NR2F1-AS1: variants seen among roughly 807,000 people sequenced by gnomAD.
NR2F1-AS1 encodes NR2F1 regulatory antisense RNA 1.
chr5:93,430,840 T>C (rs919276288), intron 4 of NR2F1-AS1, among the ~76,000 whole-genome samples: 2 of 131,928 alleles, frequency 1.5e-5, no homozygotes, highest in African/African-American at 6.0e-5. Flanking sequence ...CCTTTTTGTG[T>C]TGTCACTGTC....
intron 4 of NR2F1-AS1, among the ~76,000 whole-genome samples, chr5:93,539,146 T>C (rs1423776391): frequency 6.6e-6 from 1 of 152,056 alleles, no homozygotes; most frequent in African/African-American, 2.4e-5. Flanking sequence ...GAAGTGGTGG[T>C]GTGAGCCTGT....
intron 4 of NR2F1-AS1, among the ~76,000 whole-genome samples, chr5:93,545,413 C>G (rs778310836): frequency 6.6e-6 from 1 of 152,190 alleles, no homozygotes; most frequent in Non-Finnish European, 1.5e-5. Flanking sequence ...GGTTATTTGA[C>G]AAGCATTAAG....
chr5:93,448,835 T>C (rs1179874011), intron 4 of NR2F1-AS1, among the ~76,000 whole-genome samples: 1 of 152,148 alleles, frequency 6.6e-6, no homozygotes, highest in Non-Finnish European at 1.5e-5. Flanking sequence ...CTTTACTCAG[T>C]CTACCAATTC....
chr5:93,472,026 T>C (rs1750375632), intron 4 of NR2F1-AS1, among the ~76,000 whole-genome samples: 1 of 151,856 alleles, frequency 6.6e-6, no homozygotes, highest in African/African-American at 2.4e-5. Flanking sequence ...ATCCTTACAG[T>C]ACTATACAGT....
At chr5:93,409,683 T>G (rs1486243607) in intron 4 of NR2F1-AS1, 1 of 152,220 alleles carries the variant, frequency 6.6e-6, no homozygotes, top group Non-Finnish European at 1.5e-5. Context: ...AAGTTACCAG[T>G]CCAATTAGAG....
chr5:93,550,877 G>C (rs1212912782), intron 4 of NR2F1-AS1, among the ~76,000 whole-genome samples: 1 of 151,862 alleles, frequency 6.6e-6, no homozygotes, highest in African/African-American at 2.4e-5. Context: ...AATTCACTTT[G>C]ATAATGTCTA....
intron 4 of NR2F1-AS1, among the ~76,000 whole-genome samples, chr5:93,500,916 C>T (rs993096784): frequency 2.0e-5 from 3 of 152,086 alleles, no homozygotes; most frequent in Admixed American, 2.0e-4. Context: ...CGCCCTACCT[C>T]AAGTCTTATT....
At chr5:93,567,018 T>C (rs1328954395) in intron 1 of NR2F1-AS1, among the ~76,000 whole-genome samples, 2 of 152,078 alleles carry the variant, frequency 1.3e-5, no homozygotes, top group African/African-American at 4.8e-5. Context: ...TATGGGCATA[T>C]ACTACTTTTA....
intron 4 of NR2F1-AS1, among the ~76,000 whole-genome samples, chr5:93,541,197 T>G (rs1580316716): frequency 6.6e-6 from 1 of 152,156 alleles, no homozygotes; most frequent in Non-Finnish European, 1.5e-5. Flanking sequence ...GAGGGGTAAA[T>G]TGGAAGGAGG....
intron 4 of NR2F1-AS1, among the ~76,000 whole-genome samples, chr5:93,482,690 A>G (rs1750625886): frequency 6.6e-6 from 1 of 152,154 alleles, no homozygotes; most frequent in Non-Finnish European, 1.5e-5. Context: ...CAAGCAATCT[A>G]AGATCAACCG....
intron 1 of NR2F1-AS1, among the ~76,000 whole-genome samples, chr5:93,567,645 C>T (rs1752648295): frequency 6.6e-6 from 1 of 152,094 alleles, no homozygotes; most frequent in Admixed American, 6.5e-5. Flanking sequence ...TTTTTATATA[C>T]CAAATCAGAG....
chr5:93,568,345 T>C (rs1186036887), intron 1 of NR2F1-AS1, among the ~76,000 whole-genome samples: 1 of 152,236 alleles, frequency 6.6e-6, no homozygotes, highest in African/African-American at 2.4e-5. Flanking sequence ...AAAGCCTATG[T>C]ATTTAAATTT....
At chr5:93,569,030 T>TA (rs1752680129) in intron 1 of NR2F1-AS1, among the ~76,000 whole-genome samples, 2 of 152,294 alleles carry the variant, frequency 1.3e-5, no homozygotes, top group Admixed American at 6.5e-5. Context: ...GCCTTGTAGG[T>TA]ACACCTTAAA....
At position 93,530,859 on chromosome 5, in the gene NR2F1-AS1, CAG is replaced by C. The variant is rs1432541954; in HGVS notation, n.638+22900_638+22901del. Among the ~76,000 whole-genome samples the C allele has an allele frequency of 4.0e-5, 6 of 151,784 alleles. 1 individual carries two copies. The highest frequency in any genetic ancestry group is 1.5e-4 in the African/African-American group (6 of 41,270). On this transcript the variant is annotated intron_variant and non_coding_transcript_variant, in intron 4 of 5. Coordinates refer to ENST00000660523, the Ensembl canonical transcript of NR2F1-AS1. Reference sequence around the variant, plus strand: ...TATAAGAAAACAGCTTAGAAAGACTCAGTGATTTGTCTAAGGTTACTTTTCTT... The same window carrying C: ...TATAAGAAAACAGCTTAGAAAGACTCTGATTTGTCTAAGGTTACTTTTCTT...
chr5:93,468,595 T>C (rs1291468048), intron 4 of NR2F1-AS1, among the ~76,000 whole-genome samples: 9 of 152,182 alleles, frequency 5.9e-5, no homozygotes. Flanking sequence ...ATTCTGTAGG[T>C]TGTCTGTTCA....
intron 4 of NR2F1-AS1, among the ~76,000 whole-genome samples, chr5:93,553,488 G>A (rs890727031): frequency 5.3e-4 from 80 of 152,186 alleles, no homozygotes; most frequent in African/African-American, 1.8e-3. Flanking sequence ...CAAGTTAGCT[G>A]GCATGTGTTA....
intron 1 of NR2F1-AS1, among the ~76,000 whole-genome samples, chr5:93,567,381 A>C (rs1392783693): frequency 6.6e-6 from 1 of 152,182 alleles, no homozygotes; most frequent in Non-Finnish European, 1.5e-5. Flanking sequence ...AAAGCAAATG[A>C]AGTAGCCTAT....
intron 4 of NR2F1-AS1, among the ~76,000 whole-genome samples, chr5:93,493,789 A>T (rs1750901245): frequency 1.3e-5 from 2 of 152,124 alleles, no homozygotes; most frequent in Non-Finnish European, 1.5e-5. Context: ...ACAAATGTAT[A>T]ACCACAAACA....
In NR2F1-AS1 at chr5:93,511,783, A is replaced by C. The variant is rs577244767; in HGVS notation, n.638+41978T>G. On this transcript the variant is annotated intron_variant and non_coding_transcript_variant, in intron 4 of 5. Transcript: ENST00000660523. ...GCATTAGATTCTTACAGGAGCACAA[A>C]CCCTATTGTGAACTATGCATGCGAG... Among the ~76,000 whole-genome samples the C allele has an allele frequency of 3.9e-5, 6 of 152,168 alleles. No individual in the cohort carries two copies. In the South Asian group the frequency reaches 1.2e-3, roughly 32 times the overall value.
Sources: gnomAD v4.1 joint callset for allele counts (sites outside exome capture counted in the v4.1 genomes callset) on GRCh38, gnomAD v4.1.1 for gene constraint, MANE v1.5 for transcripts, NCBI Gene and HGNC (gene_info 2026-07-23, HGNC 2026-07-21) for gene names.